CADM1: variants seen among roughly 807,000 people sequenced by gnomAD.
The protein encoded by CADM1 is TSLC-1.
Under a neutral mutation model 53.1 loss-of-function variants are expected in CADM1, and 15 were observed. The observed-to-expected ratio is 0.28, with a 90% CI of 0.19 to 0.44. The LOEUF is 0.44. CADM1 is among the 20% of genes least tolerant of loss of function. The probability of loss-of-function intolerance (pLI) is 1.00; values close to 1 mark genes in which losing one functional copy is unlikely to be tolerated. For missense variants in CADM1, 434 were observed against 611.3 expected, an observed-to-expected ratio of 0.71 and a Z score of 3.06; for synonymous variants, 281 against 243.0, an observed-to-expected ratio of 1.16 and a Z score of -1.45.
intron 1 of CADM1, among the ~76,000 whole-genome samples, chr11:115,268,649 A>G (rs1004475668): frequency 2.0e-5 from 3 of 152,206 alleles, no homozygotes; most frequent in African/African-American, 7.2e-5. Flanking sequence ...TATTGCCTGC[A>G]GATTTTCTTC....
intron 1 of CADM1, among the ~76,000 whole-genome samples, chr11:115,439,736 G>A (rs1313156177): frequency 6.6e-6 from 1 of 152,192 alleles, no homozygotes; most frequent in Non-Finnish European, 1.5e-5. Context: ...TTTTGAGAGA[G>A]AGAATCCATA....
intron 1 of CADM1, among the ~76,000 whole-genome samples, chr11:115,429,212 A>C (rs944334829): frequency 2.0e-5 from 3 of 151,728 alleles, no homozygotes; most frequent in African/African-American, 4.9e-5. Flanking sequence ...AAAATGATTT[A>C]TTAAAAATTG....
chr11:115,453,521 C>CA (rs1475062347), intron 1 of CADM1, among the ~76,000 whole-genome samples: 1 of 152,074 alleles, frequency 6.6e-6, no homozygotes, highest in Non-Finnish European at 1.5e-5. Flanking sequence ...GTTTTTGAGA[C>CA]AGAGTCTTGC....
intron 1 of CADM1, chr11:115,445,773 A>G (rs1196277200): frequency 2.2e-6 from 1 of 454,162 alleles, no homozygotes; most frequent in Non-Finnish European, 4.4e-6. Flanking sequence ...GAGCACGGGA[A>G]GGCCGAGGCT....
intron 1 of CADM1, among the ~76,000 whole-genome samples, chr11:115,386,571 G>A (rs1025069150): frequency 2.0e-5 from 3 of 152,168 alleles, no homozygotes; most frequent in Non-Finnish European, 2.9e-5. Context: ...GGCATCACAT[G>A]GTGAAGGGGC....
intron 1 of CADM1, among the ~76,000 whole-genome samples, chr11:115,296,153 G>A (rs774682587): frequency 2.0e-5 from 3 of 152,010 alleles, no homozygotes; most frequent in African/African-American, 2.4e-5. Flanking sequence ...GTCTTACTAC[G>A]TTGCCCAGGC....
At chr11:115,400,020 T>C (rs1017772505) in intron 1 of CADM1, among the ~76,000 whole-genome samples, 3 of 152,170 alleles carry the variant, frequency 2.0e-5, no homozygotes, top group Non-Finnish European at 4.4e-5. Flanking sequence ...CCAGCCTATA[T>C]AAAATGCTCA....
intron 1 of CADM1, among the ~76,000 whole-genome samples, chr11:115,350,310 C>A (rs1034040813): frequency 6.6e-6 from 1 of 152,166 alleles, no homozygotes; most frequent in Non-Finnish European, 1.5e-5. Flanking sequence ...ATAGCCTAGC[C>A]ATGCCATGGC....
At chr11:115,241,397 C>A (rs559439183) in intron 1 of CADM1, among the ~76,000 whole-genome samples, 8 of 152,186 alleles carry the variant, frequency 5.3e-5, no homozygotes, top group Non-Finnish European at 1.0e-4. Context: ...TGGGTGAAAA[C>A]CGATACCTTA....
intron 1 of CADM1, among the ~76,000 whole-genome samples, chr11:115,259,279 C>A (rs1198248160): frequency 4.7e-5 from 7 of 149,486 alleles, no homozygotes; most frequent in African/African-American, 1.7e-4. Context: ...CGCCACCGCA[C>A]CCAGTCTTAA....
chr11:115,245,029 C>T (rs1942365010), intron 1 of CADM1, among the ~76,000 whole-genome samples: 1 of 152,086 alleles, frequency 6.6e-6, no homozygotes, highest in Admixed American at 6.6e-5. Flanking sequence ...CTAGTCAAGA[C>T]TATAATAAAA....
chr11:115,177,779 T>C lies in CADM1; in HGVS notation c.1297+865A>G, dbSNP rs1238224702. Reference sequence around the variant, plus strand: ...GCTCTGATCGTCCTAAACTGTTTTATGCTTGAGACAGGCACTCTGTATCCT... The same window carrying C: ...GCTCTGATCGTCCTAAACTGTTTTACGCTTGAGACAGGCACTCTGTATCCT... On this transcript the variant is annotated intron_variant, in intron 11 of 11. Transcript: ENST00000331581. 2.0e-5 allele frequency among the ~76,000 whole-genome samples: 3 copies of C among 151,934 alleles called. No homozygotes were observed. In the East Asian group the frequency reaches 5.8e-4, roughly 30 times the overall value.
At chr11:115,404,327 G>GAAAAAAAAAA (rs1216372271) in intron 1 of CADM1, among the ~76,000 whole-genome samples, 60 of 5,804 alleles carry the variant, frequency 0.01, 6 homozygotes, top group South Asian at 0.017. Context: ...ATCTGTCTCG[G>GAAAAAAAAAA]AAAAAAAAAA....
chr11:115,236,925 CT>C (rs1942030094), intron 3 of CADM1, among the ~76,000 whole-genome samples: 1 of 152,030 alleles, frequency 6.6e-6, no homozygotes, highest in Non-Finnish European at 1.5e-5. Context: ...TATCATTTTA[CT>C]TCTGTGAAAA....
intron 10 of CADM1, among the ~76,000 whole-genome samples, chr11:115,183,105 G>A (rs1181506256): frequency 6.6e-6 from 1 of 152,202 alleles, no homozygotes; most frequent in Admixed American, 6.5e-5. Context: ...TTCCTCATGG[G>A]CAATAAGAAG....
chr11:115,395,775 C>T (rs983278779), intron 1 of CADM1, among the ~76,000 whole-genome samples: 2 of 152,152 alleles, frequency 1.3e-5, no homozygotes, highest in Non-Finnish European at 2.9e-5. Context: ...AAATCCTAAA[C>T]CCTGTAATTC....
chr11:115,314,481 G>A (rs1258619729), intron 1 of CADM1, among the ~76,000 whole-genome samples: 1 of 152,146 alleles, frequency 6.6e-6, no homozygotes, highest in African/African-American at 2.4e-5. Context: ...ACTAATTTCT[G>A]AGAAACATAA....
intron 1 of CADM1, among the ~76,000 whole-genome samples, chr11:115,502,816 CTG>C (rs1439714891): frequency 1.3e-5 from 2 of 152,210 alleles, no homozygotes; most frequent in Non-Finnish European, 2.9e-5. Context: ...GTTTACATAA[CTG>C]TGTGTCCTCT....
At chr11:115,294,374 A>G (rs1481547571) in intron 1 of CADM1, among the ~76,000 whole-genome samples, 1 of 152,094 alleles carries the variant, frequency 6.6e-6, no homozygotes, top group African/African-American at 2.4e-5. Flanking sequence ...TTTTAATGCA[A>G]CTGAACTACT....
Sources: allele counts gnomAD v4.1 joint callset (sites outside exome capture counted in the v4.1 genomes callset), GRCh38; gene constraint gnomAD v4.1.1; transcripts MANE v1.5; gene names NCBI Gene and HGNC (gene_info 2026-07-23, HGNC 2026-07-21).